Variants in NDST4 observed in about 807,000 individuals in gnomAD.
NDST4 encodes the protein N-deacetylase and N-sulfotransferase 4.
NDST4 carries 63 observed loss-of-function variants against 100.8 expected under a neutral mutation model. The observed-to-expected ratio is 0.62, with a 90% confidence interval of 0.51 to 0.77. NDST4 has a LOEUF of 0.77. Ranked by LOEUF, NDST4 falls within the 30% of genes least tolerant of loss-of-function variation. The pLI, the probability that NDST4 is intolerant of heterozygous loss-of-function variation, is 0.00. For synonymous variants in NDST4, 377 were observed against 361.8 expected (o/e 1.04, Z -0.48); for missense variants, 943 against 1,018.4 (o/e 0.93, Z 1.01).
intron 2 of NDST4, among the ~76,000 whole-genome samples, chr4:114,987,223 G>A (rs1726934339): frequency 6.6e-6 from 1 of 151,872 alleles, no homozygotes; most frequent in Admixed American, 6.6e-5. Flanking sequence ...AATCTTTTTT[G>A]GGTCAGAGTG....
rs1440055208 is a variant in NDST4 at position 114,956,836 on chromosome 4, G to A, written c.1221+13594C>T. ...AAATACATCCTTAACATGGAGGGAA[G>A]GGATCAGTGTGAAGAGTGCTGCCAA... On this transcript the variant is annotated intron_variant, in intron 4 of 13. Coordinates refer to ENST00000264363, the MANE Select transcript of NDST4 (RefSeq NM_022569.3). 3.4e-4 allele frequency among the ~76,000 whole-genome samples: 51 copies of A among 152,078 alleles called. 1 individual carries two copies. The highest frequency in any genetic ancestry group is 4.4e-5 in the Non-Finnish European group (3 of 68,018).
At chr4:114,932,082 A>T (rs572148660) in intron 6 of NDST4, among the ~76,000 whole-genome samples, 13 of 152,028 alleles carry the variant, frequency 8.6e-5, no homozygotes, top group African/African-American at 3.1e-4. Flanking sequence ...AAACATAGAG[A>T]CAAAAGTTCT....
intron 2 of NDST4, among the ~76,000 whole-genome samples, chr4:115,074,518 A>G (rs1729140587): frequency 1.3e-5 from 2 of 152,060 alleles, no homozygotes; most frequent in South Asian, 4.1e-4. Context: ...CTAAAAAAGT[A>G]AAAGAAAAAA....
chr4:114,964,212 G>A (rs968881047), intron 4 of NDST4, among the ~76,000 whole-genome samples: 1 of 152,164 alleles, frequency 6.6e-6, no homozygotes, highest in Non-Finnish European at 1.5e-5. Flanking sequence ...GGAAATTGAG[G>A]TCTTCAATCC....
rs148164418 is a variant in NDST4 at position 114,931,206 on chromosome 4, T to C, written c.1536+4000A>G. On this transcript the variant is annotated intron_variant, in intron 6 of 13. Transcript: ENST00000264363. The stretch of plus-strand genomic sequence containing the variant: ...AAAATAGAAGCCAAATGAGATATTA[T>C]ATAATATTTAATTATTATATTAAAC... Among the ~76,000 whole-genome samples, 1,189 of 151,642 alleles carry C rather than the reference T, an allele frequency of 7.8e-3. 9 individuals are homozygous for C. Among genetic ancestry groups the C allele is most frequent in the Non-Finnish European group, 0.013 (870 of 67,778 alleles).
intron 4 of NDST4, among the ~76,000 whole-genome samples, chr4:114,958,204 T>C (rs1726181495): frequency 6.6e-6 from 1 of 152,192 alleles, no homozygotes; most frequent in South Asian, 2.1e-4. Flanking sequence ...TCCAGGCATT[T>C]CCATACATGC....
chr4:115,076,689 A>T lies in NDST4; in HGVS notation c.348T>A (p.Asp116Glu). 1 of 1,613,916 alleles carries T rather than the reference A, an allele frequency of 6.2e-7. No individual in the cohort carries two copies. The highest frequency in any genetic ancestry group is 8.5e-7 in the Non-Finnish European group (1 of 1,179,906). ...TGCCATTATCTGTAAGAGGAGGTAT[A>T]TCTCCCTTTCCAGGGGCAATAACCA... ...YHMVIAPGKG[D>E]IPPLTDNGKG... Residue 116 changes from aspartate to glutamate, a missense_variant, in exon 2 of 14, where the codon GAT becomes GAA. Transcript: ENST00000264363.
At chr4:115,037,185 A>G (rs1560575748) in intron 2 of NDST4, among the ~76,000 whole-genome samples, 1 of 152,034 alleles carries the variant, frequency 6.6e-6, no homozygotes, top group Non-Finnish European at 1.5e-5. Context: ...TGAAAGAAAA[A>G]AAGATGGAGA....
At chr4:115,049,142 T>C (rs1578481863) in intron 2 of NDST4, among the ~76,000 whole-genome samples, 1 of 152,202 alleles carries the variant, frequency 6.6e-6, no homozygotes, top group Non-Finnish European at 1.5e-5. Flanking sequence ...GCCTCATCTT[T>C]ACAGTCAGTA....
chr4:114,955,269 C>T (rs920480343), intron 4 of NDST4, among the ~76,000 whole-genome samples: 2 of 152,098 alleles, frequency 1.3e-5, no homozygotes, highest in Non-Finnish European at 2.9e-5. Context: ...AGGAGAAAGA[C>T]CATGACACAA....
At position 114,977,171 on chromosome 4, in the gene NDST4, C is replaced by T. The variant is rs1472176174; in HGVS notation, c.1066+16G>A. 6.5e-7 allele frequency: 1 copy of T among 1,534,944 alleles called. No individual in the cohort carries two copies. On this transcript the variant is annotated intron_variant, in intron 3 of 13. Coordinates refer to ENST00000264363, the MANE Select transcript of NDST4 (RefSeq NM_022569.3). ...ATTTATATGTAGCTGCCTGAGAACA[C>T]AAAGCTCCTTCTTACCTGTGTGGTA...
intron 7 of NDST4, among the ~76,000 whole-genome samples, chr4:114,864,472 T>G (rs531750672): frequency 6.6e-6 from 1 of 152,356 alleles, no homozygotes; most frequent in African/African-American, 2.4e-5. Flanking sequence ...CAAGTTGTAT[T>G]GTACAGGGTG....
intron 2 of NDST4, among the ~76,000 whole-genome samples, chr4:114,978,761 A>G (rs552642719): frequency 6.6e-6 from 1 of 152,092 alleles, no homozygotes; most frequent in East Asian, 1.9e-4. Flanking sequence ...TTGATTTTTA[A>G]AAAAATTTCT....
Position 114,845,808 on chromosome 4 carries a change from T to C in NDST4, c.2115+15A>G. ...ATAACAAAATGCTTTTAGCCGATTT[T>C]TTTACTGACCATACCTGGTACCAAG... On this transcript the variant is annotated intron_variant, in intron 10 of 13. Transcript: ENST00000264363. 1.3e-6 allele frequency: 2 copies of C among 1,586,242 alleles called. No homozygotes were observed. Among genetic ancestry groups the C allele is most frequent in the Non-Finnish European group, 8.6e-7 (1 of 1,161,776 alleles).
At position 115,012,399 on chromosome 4, in the gene NDST4, A is replaced by G. The variant is rs182497848; in HGVS notation, c.979-35125T>C. On this transcript the variant is annotated intron_variant, in intron 2 of 13. Transcript: ENST00000264363. The stretch of plus-strand genomic sequence containing the variant: ...GATGTTATGGCTCAATGTCATTCTA[A>G]ATCAAATGTTTTATTACTTGACGGT... Among the ~76,000 whole-genome samples the G allele has an allele frequency of 3.1e-3, 471 of 152,100 alleles. 3 individuals carry two copies. The highest frequency in any genetic ancestry group is 0.011 in the African/African-American group (437 of 41,534).
intron 2 of NDST4, among the ~76,000 whole-genome samples, chr4:115,046,873 T>C (rs1051297367): frequency 7.2e-5 from 11 of 151,960 alleles, no homozygotes; most frequent in African/African-American, 1.2e-4. Context: ...AAAGAGAAAA[T>C]TGTAAGAAAT....
chr4:115,093,856 G>T (rs890734303), intron 1 of NDST4, among the ~76,000 whole-genome samples: 1 of 152,026 alleles, frequency 6.6e-6, no homozygotes, highest in Admixed American at 6.6e-5. Flanking sequence ...AATGTAAGCG[G>T]TCATCTTAAA....
At chr4:115,106,018 A>G (rs1729826369) in intron 1 of NDST4, among the ~76,000 whole-genome samples, 1 of 152,062 alleles carries the variant, frequency 6.6e-6, no homozygotes, top group Non-Finnish European at 1.5e-5. Context: ...GCACTCTCTA[A>G]GCATTTCTGC....
Position 114,937,375 on chromosome 4 carries a change from T to G in NDST4, c.1350A>C (p.Glu450Asp). The G allele has an allele frequency of 6.2e-7, 1 of 1,614,168 alleles. No homozygotes were observed. Among genetic ancestry groups the G allele is most frequent in the Non-Finnish European group, 8.5e-7 (1 of 1,179,994 alleles). The change falls in exon 5 of 14, where the codon GAA (glutamate) becomes GAC (aspartate). Residue 450 changes from glutamate (E) to aspartate (D), a missense_variant. By Grantham distance (45) the Glu-to-Asp change is conservative (BLOSUM62 2). This residue lies in a region of NDST4 where 526 missense variants were observed against 634.1 expected (regional missense o/e 0.83). Transcript: ENST00000264363. The part of the protein sequence containing the change: ...VWGIQVTSTE[E>D]YPHLKPARYR... ...ACCGGGCAGGTTTCAGATGTGGATA[T>G]TCTTCAGTGCTGGTGACTTGAATAC...
Sources: allele counts gnomAD v4.1 joint callset (sites outside exome capture counted in the v4.1 genomes callset), GRCh38; gene constraint gnomAD v4.1.1; regional missense constraint gnomAD v4.1.1; transcripts MANE v1.5; gene names NCBI Gene and HGNC (gene_info 2026-07-23, HGNC 2026-07-21).